SMC6: variants seen among roughly 807,000 people sequenced by gnomAD.
SMC6 encodes structural maintenance of chromosomes 6, also known as structural maintenance of chromosomes protein 6.
A neutral mutation model predicts 142.2 loss-of-function variants in SMC6; 79 were observed. The ratio of observed to expected loss-of-function variants is 0.56; its 90% confidence interval spans 0.46 to 0.67. SMC6 has a LOEUF of 0.67. Among genes scored for constraint, SMC6 ranks in the 30% least tolerant of loss-of-function variants. The pLI is 0.00. For missense variants in SMC6, 1,072 were observed against 1,284.0 expected (o/e 0.83, Z 2.52); for synonymous variants, 411 against 412.4 (o/e 1.00, Z 0.04).
chr2:17,714,926 T>C lies in SMC6; in HGVS notation c.1665A>G (p.Pro555=). Residue 555 remains proline, a synonymous_variant, in exon 16 of 28, where the codon CCA becomes CCG. Coordinates refer to ENST00000448223, the MANE Select transcript of SMC6 (RefSeq NM_001142286.2). ...CTATTATCGGTGGCCGTGAGGTCCCTGGTAAATAAAACCTTTTCATGAGTG... is the reference window on the plus strand; with the variant it reads ...CTATTATCGGTGGCCGTGAGGTCCCCGGTAAATAAAACCTTTTCATGAGTG... ...LQALMKRFYL[P]GTSRPPIIVS... 2 of 1,613,868 alleles carry C rather than the reference T, an allele frequency of 1.2e-6. No homozygotes were observed. The highest frequency in any genetic ancestry group is 1.7e-6 in the Non-Finnish European group (2 of 1,179,900).
intron 3 of SMC6, among the ~76,000 whole-genome samples, chr2:17,743,283 T>C (rs773909168): frequency 2.5e-4 from 38 of 152,204 alleles, no homozygotes; most frequent in Non-Finnish European, 4.6e-4. Context: ...AATTTCTATA[T>C]TGAGCTGTCT....
intron 24 of SMC6, 36 bp downstream of exon 24, chr2:17,683,602 T>C: frequency 1.3e-6 from 2 of 1,529,440 alleles, no homozygotes; most frequent in Non-Finnish European, 1.8e-6. Flanking sequence ...AACACAAAAA[T>C]GTATAATATA....
intron 16 of SMC6, among the ~76,000 whole-genome samples, chr2:17,710,315 C>A (rs771162507): frequency 6.6e-6 from 1 of 152,076 alleles, no homozygotes; most frequent in Non-Finnish European, 1.5e-5. Context: ...ACTGAAAGTG[C>A]AGGTTTTGGG....
At chr2:17,692,422 T>C (rs906530555) in intron 23 of SMC6, among the ~76,000 whole-genome samples, 10 of 152,142 alleles carry the variant, frequency 6.6e-5, no homozygotes, top group African/African-American at 2.4e-4. Context: ...ACTATCTGAT[T>C]TTTGACAAAC....
chr2:17,692,436 ACGAAAACAAGAAATGGG>A (rs2124900380), intron 23 of SMC6, among the ~76,000 whole-genome samples: 1 of 152,320 alleles, frequency 6.6e-6, no homozygotes, highest in African/African-American at 2.4e-5. Context: ...GACAAACCTC[ACGAAAACAAGAAATGGG>A]CGAAGGATTC....
intron 23 of SMC6, among the ~76,000 whole-genome samples, chr2:17,687,513 C>T (rs375734786): frequency 1.4e-5 from 2 of 139,478 alleles, no homozygotes; most frequent in African/African-American, 2.6e-5. Flanking sequence ...TGGTTGACTA[C>T]CTTTTGTGAA....
In SMC6 at chr2:17,718,303, T is replaced by A. The variant is rs188865972; in HGVS notation, c.946-80A>T. On this transcript the variant is annotated intron_variant, in intron 11 of 27. Coordinates refer to ENST00000448223, the MANE Select transcript of SMC6 (RefSeq NM_001142286.2). ...AAAAAATAATTATCTATAGTTCATA[T>A]ACCAATAATAAATTTAACTTCACTC... 6.5e-6 allele frequency: 6 copies of A among 921,358 alleles called. No homozygotes were observed. In the African/African-American group the frequency reaches 8.5e-5, roughly 13 times the overall value. The allele number at this position is 921,358 out of a possible 1,614,324, so 57.1% of individuals were successfully genotyped here.
In SMC6 at chr2:17,731,061, A is replaced by G; in HGVS notation, c.543+17T>C. 2 of 1,600,980 alleles carry G rather than the reference A, an allele frequency of 1.2e-6. No individual in the cohort carries two copies. Among genetic ancestry groups the G allele is most frequent in the Non-Finnish European group, 1.7e-6 (2 of 1,171,386 alleles). ...CAAGGTGTATGAATTAATCTGAAAC[A>G]CAAATTCACCAATTACCTGGATGTT... is the stretch of plus-strand genomic sequence containing the variant. On this transcript the variant is annotated intron_variant, in intron 7 of 27. Coordinates refer to ENST00000448223, the MANE Select transcript of SMC6 (RefSeq NM_001142286.2).
At chr2:17,674,387 T>G (rs1303267137) in intron 25 of SMC6, among the ~76,000 whole-genome samples, 2 of 152,236 alleles carry the variant, frequency 1.3e-5, no homozygotes, top group African/African-American at 4.8e-5. Flanking sequence ...ATTTCTAATT[T>G]AATTCCACTT....
At chr2:17,719,485 G>C (rs140469004) in intron 11 of SMC6, among the ~76,000 whole-genome samples, 1 of 152,244 alleles carries the variant, frequency 6.6e-6, no homozygotes, top group East Asian at 1.9e-4. Flanking sequence ...TGCTTAAACG[G>C]AGAAAAAGGC....
At chr2:17,748,751 G>T (rs2125091926) in intron 2 of SMC6, among the ~76,000 whole-genome samples, 1 of 152,192 alleles carries the variant, frequency 6.6e-6, no homozygotes, top group South Asian at 2.1e-4. Flanking sequence ...ATTACTTTTT[G>T]GTGTCCCCAA....
chr2:17,723,329 C>T (rs970956893), intron 9 of SMC6, among the ~76,000 whole-genome samples: 1 of 152,086 alleles, frequency 6.6e-6, no homozygotes, highest in African/African-American at 2.4e-5. Context: ...AGTAATCTAC[C>T]GAAAATACAC....
intron 5 of SMC6, among the ~76,000 whole-genome samples, chr2:17,737,532 A>C (rs1319596994): frequency 6.6e-6 from 1 of 152,230 alleles, no homozygotes; most frequent in Non-Finnish European, 1.5e-5. Flanking sequence ...CAGAACAGCT[A>C]GTGGACAAAA....
rs1666503604 is a variant in SMC6, at chr2:17,666,532, C to G, written c.3064-15G>C. 1 of 1,592,612 alleles carries G rather than the reference C, an allele frequency of 6.3e-7. No homozygotes were observed. Among genetic ancestry groups the G allele is most frequent in the African/African-American group, 1.3e-5 (1 of 74,580 alleles). On this transcript the variant is annotated splice_polypyrimidine_tract_variant and intron_variant, in intron 26 of 27. Coordinates refer to ENST00000448223, the MANE Select transcript of SMC6 (RefSeq NM_001142286.2). ...TTAACCATATCCTGAAAAACAAAGGCAAAAGTTAGGATTGCTATTGTGTAA... is the reference window on the plus strand; with the variant it reads ...TTAACCATATCCTGAAAAACAAAGGGAAAAGTTAGGATTGCTATTGTGTAA...
chr2:17,745,999 T>C (rs72768644), intron 2 of SMC6, 48 bp from the exon 3 acceptor site: 19,356 of 1,473,288 alleles, frequency 0.013, 165 homozygotes, highest in South Asian at 0.019. Context: ...GTTCCATATA[T>C]ATTAAACTCA....
chr2:17,730,610 T>C (rs1669862158), intron 7 of SMC6, among the ~76,000 whole-genome samples: 1 of 151,278 alleles, frequency 6.6e-6, no homozygotes, highest in African/African-American at 2.4e-5. Context: ...ATTCTTTTTT[T>C]TTTTTTTTTG....
intron 2 of SMC6, among the ~76,000 whole-genome samples, chr2:17,751,694 A>T (rs965717956): frequency 2.0e-5 from 3 of 152,176 alleles, no homozygotes; most frequent in African/African-American, 7.2e-5. Flanking sequence ...GTGAATCAAA[A>T]ATGCTAACAT....
intron 6 of SMC6, among the ~76,000 whole-genome samples, chr2:17,731,466 C>T (rs1669910650): frequency 6.6e-6 from 1 of 152,186 alleles, no homozygotes; most frequent in Admixed American, 6.5e-5. Context: ...GCTATAAAAA[C>T]CCTGGTGTGA....
chr2:17,695,330 C>A, intron 22 of SMC6, 33 bp from the exon 23 acceptor site: 1 of 1,584,998 alleles, frequency 6.3e-7, no homozygotes, highest in Non-Finnish European at 8.6e-7. Flanking sequence ...CTTTAAAACT[C>A]TTCTTTGATA....
Sources: gnomAD v4.1 joint callset for allele counts (sites outside exome capture counted in the v4.1 genomes callset) on GRCh38, gnomAD v4.1.1 for gene constraint, MANE v1.5 for transcripts, NCBI Gene and HGNC (gene_info 2026-07-23, HGNC 2026-07-21) for gene names.